ARSD: variants seen among roughly 807,000 people sequenced by gnomAD.
The protein encoded by ARSD is arylsulfatase D, also known as testis tissue sperm-binding protein Li 39a.
ARSD carries 21 observed loss-of-function variants against 32.6 expected under a neutral mutation model. The ratio of observed to expected loss-of-function variants is 0.64; its 90% CI spans 0.46 to 0.93. The LOEUF is 0.93. ARSD is among the 40% of genes least tolerant of loss of function. The probability of loss-of-function intolerance (pLI) is 0.00; values close to 1 mark genes in which losing one functional copy is unlikely to be tolerated. For synonymous variants in ARSD, 224 were observed against 237.4 expected, an observed-to-expected ratio of 0.94 and a Z score of 0.52; for missense variants, 454 against 520.9, an observed-to-expected ratio of 0.87 and a Z score of 1.25.
At chrX:2,914,293 A>C (rs1162077124) in intron 6 of ARSD, 1 of 640,815 alleles carries the variant, frequency 1.6e-6, no homozygotes, top group Non-Finnish European at 1.9e-6. Flanking sequence ...TCAGTGGTGC[A>C]ATAATTATAG....
intron 9 of ARSD, 91 bp downstream of exon 9, chrX:2,908,630 T>C (rs760845461): frequency 6.0e-5 from 53 of 883,945 alleles, no homozygotes; most frequent in African/African-American, 5.2e-4. Context: ...ATCCATCCAT[T>C]CATCCATCCA....
At chrX:2,912,965 A>G (rs753078776) in intron 6 of ARSD, among the ~76,000 whole-genome samples, 11 of 112,580 alleles carry the variant, frequency 9.8e-5, no homozygotes, top group African/African-American at 3.5e-4. Flanking sequence ...ACTGAAAAGT[A>G]TCTGAGGCGG....
intron 1 of ARSD, among the ~76,000 whole-genome samples, chrX:2,928,389 T>G (rs1447315058): frequency 1.8e-5 from 1 of 55,105 alleles, no homozygotes; most frequent in African/African-American, 7.2e-5. Flanking sequence ...TTACCGAGCG[T>G]GTTGGGGGAG....
At chrX:2,927,524 C>A (rs2089095840) in intron 1 of ARSD, among the ~76,000 whole-genome samples, 1 of 111,774 alleles carries the variant, frequency 8.9e-6, no homozygotes, top group African/African-American at 3.3e-5. Context: ...AACTCCTGAC[C>A]TCAGGTGATC....
intron 8 of ARSD, 91 bp from the exon 9 acceptor site, chrX:2,908,933 G>C (rs2088878435): frequency 2.6e-6 from 3 of 1,159,558 alleles, no homozygotes; most frequent in African/African-American, 3.5e-5. Context: ...AGAATGCAAG[G>C]CTCCCCAGCA....
intron 6 of ARSD, among the ~76,000 whole-genome samples, chrX:2,912,239 A>G (rs796953722): frequency 8.9e-6 from 1 of 112,011 alleles, no homozygotes; most frequent in African/African-American, 3.3e-5. Context: ...CTTCTTTGGC[A>G]TTATGAAACC....
intron 3 of ARSD, 134 bp from the exon 4 acceptor site, chrX:2,920,857 C>T: frequency 1.2e-6 from 1 of 807,113 alleles, no homozygotes; most frequent in East Asian, 3.3e-5. Flanking sequence ...ATCCATCTAT[C>T]ATGTATGGAG....
chrX:2,909,553 G>A (rs2088883038), intron 8 of ARSD, among the ~76,000 whole-genome samples: 1 of 108,461 alleles, frequency 9.2e-6, no homozygotes, highest in Admixed American at 1.0e-4. Flanking sequence ...AGATGGTGGC[G>A]CATGCCTGTA....
At chrX:2,914,776 G>A (rs746166785) in intron 6 of ARSD, 5 of 1,025,234 alleles carry the variant, frequency 4.9e-6, no homozygotes, top group Non-Finnish European at 6.4e-6. Flanking sequence ...GTCACTGGCT[G>A]TGTAGAAGGT....
Position 2,909,799 on chromosome X carries a change from A to G in ARSD, c.1298+18T>C. On this transcript the variant is annotated intron_variant, in intron 8 of 9. Transcript: ENST00000381154. ...AATTAAAAAAAATCAGGGAACAGGC[A>G]GCCTTATCTCCACGTACCTGTCCTG... The G allele has an allele frequency of 8.8e-7, 1 of 1,141,643 alleles. No individual in the cohort carries two copies. The allele number at this position is 1,141,643 out of a possible 1,213,427, so 94.1% of individuals were successfully genotyped here. A position where few individuals can be genotyped will look rare whatever the true frequency, so the allele number is the denominator to read the frequency against.
intron 1 of ARSD, among the ~76,000 whole-genome samples, chrX:2,928,949 T>G (rs1022143836): frequency 8.9e-5 from 10 of 112,101 alleles, no homozygotes; most frequent in Non-Finnish European, 1.3e-4. Flanking sequence ...CCTTCCTCCT[T>G]TGTTCTCTTT....
At position 2,929,224 on chromosome X, in the gene ARSD, C is replaced by A; in HGVS notation, c.44+8G>T. On this transcript the variant is annotated splice_region_variant and intron_variant, in intron 1 of 9. Transcript: ENST00000381154. Reference sequence around the variant, plus strand: ...TTAGTATGGGCCGCGTCCCGGGGTCCCAGGCACCTGGCGGCGGGCGCGGCG... The same window carrying A: ...TTAGTATGGGCCGCGTCCCGGGGTCACAGGCACCTGGCGGCGGGCGCGGCG... 1 of 1,040,616 alleles carries A rather than the reference C, an allele frequency of 9.6e-7. No homozygotes were observed. The highest frequency in any genetic ancestry group is 1.2e-6 in the Non-Finnish European group (1 of 818,089). 85.8% of individuals were successfully genotyped at this position (1,040,616 alleles called of 1,213,427 possible).
chrX:2,915,665 G>A lies in ARSD; in HGVS notation c.891C>T (p.Phe297=), dbSNP rs770297044. 1 of 1,211,118 alleles carries A rather than the reference G, an allele frequency of 8.3e-7. No homozygotes were observed. Residue 297 remains phenylalanine (F), a synonymous_variant, in exon 6 of 10, where the codon TTC becomes TTT. Transcript: ENST00000381154. ...ERHKHGPFLL[F]LSLLHVHIPL... ...GAATGTGCACATGCAGCAAAGAAAGGAAGAGGAGAAATGGCCCATGCTTGT... is the reference window on the plus strand; with the variant it reads ...GAATGTGCACATGCAGCAAAGAAAGAAAGAGGAGAAATGGCCCATGCTTGT...
intron 9 of ARSD, chrX:2,908,131 T>C: frequency 1.0e-5 from 2 of 196,252 alleles, no homozygotes; most frequent in Non-Finnish European, 1.5e-5. Context: ...TATCTATCGA[T>C]CATCTATCTA....
intron 8 of ARSD, 26 bp downstream of exon 8, chrX:2,909,791 G>T (rs2088886667): frequency 8.9e-7 from 1 of 1,129,340 alleles, no homozygotes. Flanking sequence ...AAAAATCAGG[G>T]AACAGGCAGC....
At chrX:2,918,630 C>G (rs1023248890) in intron 4 of ARSD, among the ~76,000 whole-genome samples, 4 of 111,150 alleles carry the variant, frequency 3.6e-5, no homozygotes, top group Non-Finnish European at 7.5e-5. Context: ...GTCCCAGCTA[C>G]TCGGGAGGCT....
At chrX:2,919,220 C>CCTA (rs386416484) in intron 4 of ARSD, among the ~76,000 whole-genome samples, 1 of 95,950 alleles carries the variant, frequency 1.0e-5, no homozygotes, top group Non-Finnish European at 2.1e-5. Flanking sequence ...CAATGGTTGT[C>CCTA]CTTTAGAAAA....
At chrX:2,909,692 A>G (rs2088884995) in intron 8 of ARSD, 125 bp downstream of exon 8, 1 of 592,674 alleles carries the variant, frequency 1.7e-6, no homozygotes. Flanking sequence ...TCAAAAAAAA[A>G]AAAAAAAAAA....
In ARSD at chrX:2,909,851, C is replaced by G; in HGVS notation, c.1264G>C (p.Val422Leu). ...TSLMDVFPTV[V>L]QLVGGEVPQD... ...GGCACCTCGCCACCCACCAGCTGGA[C>G]CACAGTAGGGAACACGTCCATCAGG... The change falls in exon 8 of 10, where the codon GTC (valine) becomes CTC (leucine). Residue 422 changes from valine (V) to leucine (L), a missense_variant. Val to Leu is a conservative substitution (Grantham distance 32). Around this residue, in one of 3 missense-constraint regions of ARSD, gnomAD observed 179 missense variants for 198.5 expected, o/e 0.90. Transcript: ENST00000381154. The G allele has an allele frequency of 8.3e-7, 1 of 1,210,410 alleles. No homozygotes were observed. The highest frequency in any genetic ancestry group is 1.1e-6 in the Non-Finnish European group (1 of 894,857).
Sources: gnomAD v4.1 joint callset for allele counts (sites outside exome capture counted in the v4.1 genomes callset) on GRCh38, gnomAD v4.1.1 for gene constraint, gnomAD v4.1.1 regional missense constraint, MANE v1.5 for transcripts, NCBI Gene and HGNC (gene_info 2026-07-23, HGNC 2026-07-21) for gene names.